The following SPRY3 variants were observed in gnomAD, a reference collection of about 807,000 sequenced individuals.
The protein encoded by SPRY3 is sprouty RTK signaling antagonist 3.
In SPRY3, 15 loss-of-function variants were observed where a neutral mutation model predicts 20.2. That is an observed-to-expected ratio of 0.74 (90% CI 0.50 to 1.14). SPRY3 has a LOEUF of 1.14. Among genes scored for constraint, SPRY3 ranks in the 50% most tolerant of loss-of-function variants. The pLI is 0.00. For synonymous variants in SPRY3, 143 were observed against 136.5 expected (o/e 1.05, Z -0.33); for missense variants, 364 against 363.9 (o/e 1.00, Z 0.00).
intron 2 of SPRY3, among the ~76,000 whole-genome samples, chrX:155,707,547 A>C (rs2090960467): frequency 6.6e-6 from 1 of 151,280 alleles, no homozygotes; most frequent in Non-Finnish European, 1.5e-5. Flanking sequence ...CCTAGCAATT[A>C]TTAAGATTTT....
intron 1 of SPRY3, among the ~76,000 whole-genome samples, chrX:155,624,816 T>G (rs1557349792): frequency 8.9e-6 from 1 of 111,917 alleles, no homozygotes; most frequent in Non-Finnish European, 1.9e-5. Context: ...TATTTCTTCC[T>G]TTTTGTTTTG....
intron 2 of SPRY3, among the ~76,000 whole-genome samples, chrX:155,746,264 G>A (rs1457556975): frequency 6.6e-6 from 1 of 151,804 alleles, no homozygotes; most frequent in Non-Finnish European, 1.5e-5. Flanking sequence ...TGAGACATTT[G>A]GTCAGAAATA....
At chrX:155,651,919 T>C (rs2124545591) in intron 1 of SPRY3, among the ~76,000 whole-genome samples, 1 of 111,907 alleles carries the variant, frequency 8.9e-6, no homozygotes, top group South Asian at 3.7e-4. Context: ...GGTTTAAAAT[T>C]GGCTCACATT....
chrX:155,675,955 T>A (rs2068057815), intron 2 of SPRY3, among the ~76,000 whole-genome samples: 1 of 111,919 alleles, frequency 8.9e-6, no homozygotes, highest in African/African-American at 3.2e-5. Context: ...TTCCTGGTAA[T>A]CACCACTTCT....
intron 2 of SPRY3, among the ~76,000 whole-genome samples, chrX:155,715,825 A>T (rs1422640512): frequency 1.3e-5 from 2 of 152,068 alleles, no homozygotes; most frequent in Non-Finnish European, 2.9e-5. Context: ...GCATGTCTTT[A>T]TTCTCCATTG....
At chrX:155,691,607 G>T (rs1718804613) in intron 2 of SPRY3, among the ~76,000 whole-genome samples, 1 of 87,929 alleles carries the variant, frequency 1.1e-5, no homozygotes, top group Non-Finnish European at 2.1e-5. Context: ...AATTAAAAGA[G>T]TGCTGGCAGT....
intron 2 of SPRY3, among the ~76,000 whole-genome samples, chrX:155,672,384 C>A (rs2068043674): frequency 1.8e-5 from 2 of 110,120 alleles, no homozygotes; most frequent in African/African-American, 3.3e-5. Flanking sequence ...AACAAACAAC[C>A]CCATCAAAAA....
chrX:155,620,286 T>C (rs2067867197), intron 1 of SPRY3, among the ~76,000 whole-genome samples: 1 of 111,238 alleles, frequency 9.0e-6, no homozygotes, highest in African/African-American at 3.3e-5. Flanking sequence ...AAACACACTT[T>C]AGCAGATTCT....
intron 2 of SPRY3, among the ~76,000 whole-genome samples, chrX:155,735,273 G>T (rs1296341456): frequency 6.6e-6 from 1 of 151,894 alleles, no homozygotes; most frequent in Non-Finnish European, 1.5e-5. Context: ...CCCAAGATGT[G>T]ATTTATCTTG....
chrX:155,754,267 A>G (rs990652542), intron 2 of SPRY3, among the ~76,000 whole-genome samples: 3 of 151,978 alleles, frequency 2.0e-5, no homozygotes, highest in Non-Finnish European at 2.9e-5. Context: ...TTTGTACAGC[A>G]TATGATTTGA....
At chrX:155,700,519 G>A (rs750677420) in intron 2 of SPRY3, among the ~76,000 whole-genome samples, 56 of 103,833 alleles carry the variant, frequency 5.4e-4, no homozygotes, top group Admixed American at 5.1e-3. Context: ...CCAAAAGGTG[G>A]AAATAATCCA....
chrX:155,692,588 T>C (rs2068106717), intron 2 of SPRY3, among the ~76,000 whole-genome samples: 1 of 111,987 alleles, frequency 8.9e-6, no homozygotes, highest in African/African-American at 3.2e-5. Flanking sequence ...CTGAGGTTTT[T>C]ATTGTTATCG....
exon 4 of SPRY3, chrX:155,774,326 G>T: frequency 6.2e-7 from 1 of 1,614,022 alleles, no homozygotes; most frequent in Non-Finnish European, 8.5e-7. Context: ...GAATGTGGGC[G>T]CTGCAAGTGC....
exon 4 of SPRY3, chrX:155,773,897 T>C (rs1239841398): frequency 1.2e-6 from 2 of 1,613,816 alleles, no homozygotes; most frequent in Non-Finnish European, 1.7e-6. Context: ...ACAGATGATT[T>C]TCAACAAATT....
At chrX:155,656,776 G>C (rs1557353039) in intron 1 of SPRY3, among the ~76,000 whole-genome samples, 1 of 111,484 alleles carries the variant, frequency 9.0e-6, no homozygotes, top group Non-Finnish European at 1.9e-5. Context: ...TTTGGATGGA[G>C]TTTCTGTGTG....
At chrX:155,757,256 C>T (rs1240445050) in intron 2 of SPRY3, among the ~76,000 whole-genome samples, 1 of 152,096 alleles carries the variant, frequency 6.6e-6, no homozygotes, top group Non-Finnish European at 1.5e-5. Flanking sequence ...GATCTCTTTG[C>T]TCCTCCTAGA....
intron 2 of SPRY3, among the ~76,000 whole-genome samples, chrX:155,687,784 A>G (rs903413873): frequency 3.6e-5 from 4 of 112,049 alleles, no homozygotes; most frequent in African/African-American, 1.3e-4. Context: ...TCATATCTTA[A>G]CCACATATTG....
intron 2 of SPRY3, among the ~76,000 whole-genome samples, chrX:155,672,750 A>C (rs1423151939): frequency 9.5e-6 from 1 of 105,293 alleles, no homozygotes; most frequent in African/African-American, 3.5e-5. Context: ...ATGCTGCTAT[A>C]AAGACACATG....
chrX:155,665,959 C>G (rs138170317), intron 2 of SPRY3, among the ~76,000 whole-genome samples: 1 of 111,816 alleles, frequency 8.9e-6, no homozygotes, highest in Admixed American at 9.5e-5. Context: ...TGGGATATTA[C>G]AGATGTGCAA....
Sources: gnomAD v4.1 joint callset for allele counts (sites outside exome capture counted in the v4.1 genomes callset) on GRCh38, gnomAD v4.1.1 for gene constraint, MANE v1.5 for transcripts, NCBI Gene and HGNC (gene_info 2026-07-23, HGNC 2026-07-21) for gene names.